The following RBMS3 variants were observed in gnomAD, a reference collection of about 807,000 sequenced individuals.
RBMS3 encodes RNA binding motif single stranded interacting protein 3.
In RBMS3, 27 loss-of-function variants were observed where a neutral mutation model predicts 66.8. The observed-to-expected ratio is 0.40, with a 90% CI of 0.30 to 0.56. The LOEUF (loss-of-function observed/expected upper bound fraction) is 0.56. RBMS3 is among the 20% of genes least tolerant of loss of function. The pLI is 0.40. For synonymous variants in RBMS3, 188 were observed against 183.0 expected (o/e 1.03, Z -0.22); for missense variants, 513 against 549.5 (o/e 0.93, Z 0.66).
chr3:29,493,694 G>T (rs1193980211), intron 3 of RBMS3, among the ~76,000 whole-genome samples: 2 of 152,052 alleles, frequency 1.3e-5, no homozygotes, highest in South Asian at 2.1e-4. Flanking sequence ...TTTATATTTT[G>T]ATTGTTCTTT....
At chr3:29,583,623 G>A (rs898627550) in intron 3 of RBMS3, among the ~76,000 whole-genome samples, 2 of 152,132 alleles carry the variant, frequency 1.3e-5, no homozygotes, top group Admixed American at 1.3e-4. Context: ...TGAAGGGGAG[G>A]ATCCTTGTCT....
intron 4 of RBMS3, among the ~76,000 whole-genome samples, chr3:29,637,126 A>AT (rs1210053682): frequency 6.6e-6 from 1 of 151,740 alleles, no homozygotes; most frequent in East Asian, 1.9e-4. Flanking sequence ...AACACTTTCC[A>AT]TTTTTTTCTT....
chr3:29,797,225 C>T (rs894772028), intron 6 of RBMS3, among the ~76,000 whole-genome samples: 29 of 152,348 alleles, frequency 1.9e-4, no homozygotes, highest in Non-Finnish European at 2.2e-4. Flanking sequence ...TTCCAGATAA[C>T]TTGCTGCAGC....
chr3:29,938,992 C>T (rs1040067515), intron 11 of RBMS3, among the ~76,000 whole-genome samples: 98 of 151,906 alleles, frequency 6.5e-4, no homozygotes, highest in African/African-American at 2.2e-3. Flanking sequence ...CTGCTCATAC[C>T]CTTCACCTCC....
intron 4 of RBMS3, among the ~76,000 whole-genome samples, chr3:29,600,107 G>A (rs1037110701): frequency 1.3e-5 from 2 of 152,008 alleles, no homozygotes; most frequent in Non-Finnish European, 2.9e-5. Flanking sequence ...GAATTGTTGT[G>A]GAAATGTGAA....
intron 6 of RBMS3, among the ~76,000 whole-genome samples, chr3:29,772,046 C>G (rs1330654623): frequency 6.6e-6 from 1 of 151,966 alleles, no homozygotes; most frequent in Non-Finnish European, 1.5e-5. Flanking sequence ...GAAGCATCCT[C>G]AAAAGTGGAG....
At chr3:29,296,300 T>C (rs143503141) in intron 1 of RBMS3, among the ~76,000 whole-genome samples, 124 of 151,984 alleles carry the variant, frequency 8.2e-4, no homozygotes, top group Admixed American at 6.3e-3. Flanking sequence ...GAAATATTTT[T>C]GTGCTAGAAC....
At chr3:29,876,178 T>C (rs1212105904) in intron 7 of RBMS3, among the ~76,000 whole-genome samples, 1 of 152,152 alleles carries the variant, frequency 6.6e-6, no homozygotes, top group Middle Eastern at 3.2e-3. Flanking sequence ...CCTCCAGGTT[T>C]TCAGCTTATT....
intron 6 of RBMS3, among the ~76,000 whole-genome samples, chr3:29,779,319 A>G (rs1467798836): frequency 1.3e-5 from 2 of 151,642 alleles, no homozygotes; most frequent in African/African-American, 2.4e-5. Flanking sequence ...ACATACATGT[A>G]TGTATATAAA....
chr3:29,928,529 A>G (rs1300416149), intron 10 of RBMS3, among the ~76,000 whole-genome samples: 2 of 152,004 alleles, frequency 1.3e-5, no homozygotes, highest in Middle Eastern at 3.2e-3. Context: ...TAGGAAAGCT[A>G]TATACCATGG....
At chr3:29,741,601 G>A (rs1158751278) in intron 5 of RBMS3, among the ~76,000 whole-genome samples, 1 of 152,132 alleles carries the variant, frequency 6.6e-6, no homozygotes, top group Non-Finnish European at 1.5e-5. Flanking sequence ...AATTCATTAA[G>A]AGCACATATT....
chr3:29,483,811 G>A (rs991664162), intron 2 of RBMS3, among the ~76,000 whole-genome samples: 15 of 152,054 alleles, frequency 9.9e-5, no homozygotes, highest in African/African-American at 3.6e-4. Context: ...CCTCTTCTAG[G>A]AACTTTTCTC....
intron 10 of RBMS3, among the ~76,000 whole-genome samples, chr3:29,914,246 G>A (rs1221718064): frequency 1.3e-5 from 2 of 151,910 alleles, no homozygotes; most frequent in Non-Finnish European, 2.9e-5. Context: ...TAGGTAGAAA[G>A]TGGGGTCCTT....
chr3:29,298,176 A>G (rs191456873), intron 1 of RBMS3, among the ~76,000 whole-genome samples: 2 of 152,024 alleles, frequency 1.3e-5, no homozygotes, highest in African/African-American at 2.4e-5. Context: ...ATAAGTGTCA[A>G]TTGACTGAAT....
rs950194809 is a variant in RBMS3, at chr3:30,003,982, G to GT, written c.*130dup. 33,026 of 680,310 alleles carry GT rather than the reference G, an allele frequency of 0.049. No individual in the cohort carries two copies. Among genetic ancestry groups the GT allele is most frequent in the East Asian group, 0.059 (1,438 of 24,362 alleles). The allele number at this position is 680,310 out of a possible 1,614,324, so 42.1% of individuals were successfully genotyped here. On this transcript the variant is annotated 3_prime_UTR_variant, in exon 15 of 15. Coordinates refer to ENST00000383767, the MANE Select transcript of RBMS3 (RefSeq NM_001003793.3). ...AATGCATTTTTTTGTTGTTGTTGTT[G>GT]TTTTTTTTTTAGTGTTATACCTTAC...
At chr3:29,985,029 G>GGGA (rs1418908112) in intron 12 of RBMS3, among the ~76,000 whole-genome samples, 1 of 152,232 alleles carries the variant, frequency 6.6e-6, no homozygotes, top group African/African-American at 2.4e-5. Flanking sequence ...CTCTGTCCCA[G>GGGA]GGAGATGGGT....
chr3:29,521,452 G>A (rs2044853357), intron 3 of RBMS3, among the ~76,000 whole-genome samples: 1 of 152,154 alleles, frequency 6.6e-6, no homozygotes, highest in African/African-American at 2.4e-5. Context: ...TCAGACACAT[G>A]GTAGATACTG....
intron 6 of RBMS3, among the ~76,000 whole-genome samples, chr3:29,828,561 C>T (rs1430973687): frequency 6.6e-6 from 1 of 152,128 alleles, no homozygotes; most frequent in African/African-American, 2.4e-5. Context: ...AATGGATTAT[C>T]AACATTGTTC....
intron 7 of RBMS3, among the ~76,000 whole-genome samples, chr3:29,877,204 T>G (rs1459419954): frequency 1.3e-5 from 2 of 152,058 alleles, no homozygotes; most frequent in Admixed American, 6.5e-5. Context: ...AAATAAATAA[T>G]AGTTGGGATA....
Sources: allele counts gnomAD v4.1 joint callset (sites outside exome capture counted in the v4.1 genomes callset), GRCh38; gene constraint gnomAD v4.1.1; transcripts MANE v1.5; gene names NCBI Gene and HGNC (gene_info 2026-07-23, HGNC 2026-07-21).